The following NHSL2 variants were observed in gnomAD, a reference collection of about 807,000 sequenced individuals.
The protein encoded by NHSL2 is NHS like 2.
NHSL2 carries 27 observed loss-of-function variants against 53.4 expected under a neutral mutation model. The observed-to-expected ratio is 0.51, with a 90% CI of 0.37 to 0.70. The LOEUF is 0.70. Ranked by LOEUF, NHSL2 falls within the 30% of genes least tolerant of loss-of-function variation. The pLI is 0.00. For synonymous variants in NHSL2, 408 were observed against 404.1 expected (o/e 1.01, Z -0.12); for missense variants, 892 against 980.1 (o/e 0.91, Z 1.20).
chrX:71,912,285 G>A (rs1206404159), intron 1 of NHSL2, among the ~76,000 whole-genome samples: 1 of 112,234 alleles, frequency 8.9e-6, no homozygotes, highest in Non-Finnish European at 1.9e-5. Flanking sequence ...GCCCCTGAGA[G>A]TGTGGGACTT....
At chrX:72,133,226 G>C (rs1189075709) in intron 2 of NHSL2, among the ~76,000 whole-genome samples, 1 of 112,182 alleles carries the variant, frequency 8.9e-6, no homozygotes, top group South Asian at 3.7e-4. Flanking sequence ...GAGCTGCCTT[G>C]GGAGGGAGGG....
chrX:72,012,838 G>T (rs2042121353), intron 1 of NHSL2, among the ~76,000 whole-genome samples: 1 of 111,926 alleles, frequency 8.9e-6, no homozygotes, highest in South Asian at 3.7e-4. Flanking sequence ...TTGAAAATCA[G>T]TGGGGCATAT....
chrX:72,139,852 G>T lies in NHSL2; in HGVS notation c.2304G>T (p.Arg768=). 2 of 1,210,363 alleles carry T rather than the reference G, an allele frequency of 1.7e-6. No homozygotes were observed. Among genetic ancestry groups the T allele is most frequent in the Non-Finnish European group, 2.2e-6 (2 of 894,411 alleles). Residue 768 remains arginine (R), a synonymous_variant, in exon 6 of 8, where the codon CGG becomes CGT. Transcript: ENST00000633930. The part of the protein sequence containing the change: ...TSPMEKFPKS[R]LSFDLPLTSS... Reference sequence around the variant, plus strand: ...CAATGGAGAAATTTCCCAAGTCACGGCTATCATTTGACCTACCACTGACCT... The same window carrying T: ...CAATGGAGAAATTTCCCAAGTCACGTCTATCATTTGACCTACCACTGACCT...
At chrX:72,131,192 G>A (rs775121502) in intron 1 of NHSL2, 1 of 1,192,779 alleles carries the variant, frequency 8.4e-7, no homozygotes, top group Non-Finnish European at 1.1e-6. Context: ...GGGTCAGCGG[G>A]CCCGTCGGGG....
At chrX:71,928,675 G>A (rs1602263581) in intron 1 of NHSL2, among the ~76,000 whole-genome samples, 1 of 111,384 alleles carries the variant, frequency 9.0e-6, no homozygotes, top group African/African-American at 3.3e-5. Flanking sequence ...AGGTCGAGGG[G>A]CACCTGGTAC....
At chrX:71,972,137 C>T (rs901978967) in intron 1 of NHSL2, among the ~76,000 whole-genome samples, 17 of 109,984 alleles carry the variant, frequency 1.5e-4, no homozygotes, top group African/African-American at 4.6e-4. Context: ...CAGGTTCAAG[C>T]GATTTTCTTG....
intron 1 of NHSL2, among the ~76,000 whole-genome samples, chrX:72,115,615 G>C (rs1487408074): frequency 9.0e-6 from 1 of 111,399 alleles, no homozygotes; most frequent in Non-Finnish European, 1.9e-5. Context: ...GCTTTTAATG[G>C]ATGGGATTGC....
At chrX:72,131,697 G>A in intron 1 of NHSL2, 1 of 454,413 alleles carries the variant, frequency 2.2e-6, no homozygotes, top group Non-Finnish European at 3.3e-6. Context: ...ACCGGGGCGA[G>A]CTCGGAGGGC....
At chrX:71,975,184 C>T (rs2041942964) in intron 1 of NHSL2, among the ~76,000 whole-genome samples, 1 of 111,977 alleles carries the variant, frequency 8.9e-6, no homozygotes, top group Non-Finnish European at 1.9e-5. Context: ...AAGTTCACAC[C>T]GAGGAGTGAC....
At chrX:72,016,154 T>C (rs57764463) in intron 1 of NHSL2, among the ~76,000 whole-genome samples, 6,629 of 112,431 alleles carry the variant, frequency 0.059, 219 homozygotes, top group African/African-American at 0.12. Flanking sequence ...GGAATATGTG[T>C]GTGTATAGTA....
At chrX:72,052,177 C>T (rs1384736906) in intron 1 of NHSL2, among the ~76,000 whole-genome samples, 1 of 112,048 alleles carries the variant, frequency 8.9e-6, no homozygotes, top group African/African-American at 3.2e-5. Context: ...GGTGGCTGAG[C>T]CAGATGAGGC....
intron 1 of NHSL2, among the ~76,000 whole-genome samples, chrX:71,915,490 T>C (rs780276904): frequency 8.9e-6 from 1 of 112,357 alleles, no homozygotes; most frequent in African/African-American, 3.2e-5. Context: ...AAGATTTTAG[T>C]GCCTCCCCAT....
chrX:71,977,615 G>A lies in NHSL2; in HGVS notation c.280+66248G>A, dbSNP rs769835469. Among the ~76,000 whole-genome samples the A allele has an allele frequency of 2.7e-5, 3 of 110,782 alleles. No homozygotes were observed. In the Admixed American group the frequency reaches 2.9e-4, roughly 11 times the overall value. ...TTTTGTAGAGACAGGCTTTCGTCAT[G>A]TTGCTTAGCCTGGTCTCAAATTCCC... On this transcript the variant is annotated intron_variant, in intron 1 of 7. Transcript: ENST00000633930.
chrX:71,990,084 T>A (rs1033435733), intron 1 of NHSL2, among the ~76,000 whole-genome samples: 1 of 112,258 alleles, frequency 8.9e-6, no homozygotes, highest in Admixed American at 9.4e-5. Context: ...CCAAATTGAC[T>A]TTCCCACAGA....
intron 1 of NHSL2, among the ~76,000 whole-genome samples, chrX:72,114,414 C>G (rs1266323371): frequency 8.9e-6 from 1 of 111,763 alleles, no homozygotes; most frequent in Non-Finnish European, 1.9e-5. Context: ...GCGCCTCTCA[C>G]ACTGCAAAGG....
chrX:71,942,972 C>CTCTCTGTGTGTGTG (rs1220648470), intron 1 of NHSL2, among the ~76,000 whole-genome samples: 23 of 74,021 alleles, frequency 3.1e-4, no homozygotes, highest in Middle Eastern at 6.9e-3. Context: ...CTCTCTCTCT[C>CTCTCTGTGTGTGTG]TGTGTGTGTG....
At chrX:71,978,626 A>C (rs761742110) in intron 1 of NHSL2, among the ~76,000 whole-genome samples, 41 of 109,550 alleles carry the variant, frequency 3.7e-4, no homozygotes, top group Non-Finnish European at 4.4e-4. Flanking sequence ...GCTACTGCTT[A>C]TATTTCTGTT....
intron 1 of NHSL2, among the ~76,000 whole-genome samples, chrX:71,978,711 C>G (rs1159132484): frequency 3.1e-5 from 3 of 97,116 alleles, no homozygotes; most frequent in African/African-American, 1.2e-4. Context: ...GAGATGAAAT[C>G]TCCTATATCT....
intron 1 of NHSL2, among the ~76,000 whole-genome samples, chrX:72,115,450 G>A (rs1244859186): frequency 1.1e-5 from 1 of 92,853 alleles, no homozygotes; most frequent in African/African-American, 3.9e-5. Context: ...GGTGCGGGGG[G>A]CGTGAGAGGC....
Sources: gnomAD v4.1 joint callset for allele counts (sites outside exome capture counted in the v4.1 genomes callset) on GRCh38, gnomAD v4.1.1 for gene constraint, MANE v1.5 for transcripts, NCBI Gene and HGNC (gene_info 2026-07-23, HGNC 2026-07-21) for gene names.